PCDH15: variants seen among roughly 807,000 people sequenced by gnomAD.
The protein encoded by PCDH15 is protocadherin related 15.
PCDH15 carries 129 observed loss-of-function variants against 178.5 expected under a neutral mutation model. The ratio of observed to expected loss-of-function variants is 0.72; its 90% CI spans 0.63 to 0.84. PCDH15 has a LOEUF of 0.84. Among genes scored for constraint, PCDH15 ranks in the 40% least tolerant of loss-of-function variants. PCDH15 has a pLI of 0.00. For missense variants in PCDH15, 2,230 were observed against 2,099.9 expected, an observed-to-expected ratio of 1.06 and a Z score of -1.21; for synonymous variants, 800 against 732.0, an observed-to-expected ratio of 1.09 and a Z score of -1.50.
chr10:55,435,069 G>A (rs190775116), intron 2 of PCDH15, among the ~76,000 whole-genome samples: 6 of 152,226 alleles, frequency 3.9e-5, no homozygotes, highest in Non-Finnish European at 8.8e-5. Context: ...TTTAGTCAGG[G>A]AAAGAAGATG....
chr10:53,821,122 A>T (rs2076246985), intron 32 of PCDH15: 1 of 979,340 alleles, frequency 1.0e-6, no homozygotes, highest in Admixed American at 6.2e-5. Context: ...ATTTATTTTC[A>T]TTATAAAGAA....
At chr10:54,769,887 G>A (rs531968046) in intron 1 of PCDH15, among the ~76,000 whole-genome samples, 1 of 152,104 alleles carries the variant, frequency 6.6e-6, no homozygotes, top group African/African-American at 2.4e-5. Flanking sequence ...CTTTTTGTCT[G>A]TAGTTCTCAA....
intron 2 of PCDH15, among the ~76,000 whole-genome samples, chr10:55,601,615 A>G (rs1358387068): frequency 6.6e-6 from 1 of 152,216 alleles, no homozygotes; most frequent in Non-Finnish European, 1.5e-5. Flanking sequence ...AATTACAGAT[A>G]TATTATGACA....
chr10:54,246,887 C>T (rs998622909), intron 8 of PCDH15, among the ~76,000 whole-genome samples: 8 of 151,808 alleles, frequency 5.3e-5, no homozygotes, highest in African/African-American at 1.9e-4. Context: ...GTTGCTTTAA[C>T]TTGAATTTTG....
At chr10:54,032,514 AT>A (rs1305276722) in intron 18 of PCDH15, among the ~76,000 whole-genome samples, 1 of 151,840 alleles carries the variant, frequency 6.6e-6, no homozygotes, top group Non-Finnish European at 1.5e-5. Flanking sequence ...ATTACATATC[AT>A]TCCCACCCCA....
At chr10:54,229,821 T>A (rs1055727724) in intron 9 of PCDH15, among the ~76,000 whole-genome samples, 6 of 152,216 alleles carry the variant, frequency 3.9e-5, no homozygotes, top group African/African-American at 7.2e-5. Context: ...AATAATATAC[T>A]AACATACACA....
At chr10:54,098,085 A>G (rs1250780159) in intron 15 of PCDH15, among the ~76,000 whole-genome samples, 1 of 152,052 alleles carries the variant, frequency 6.6e-6, no homozygotes, top group Non-Finnish European at 1.5e-5. Context: ...TTACAGTAAA[A>G]CAAAACAAAA....
At chr10:54,445,050 T>C (rs765932163) in intron 3 of PCDH15, among the ~76,000 whole-genome samples, 9 of 151,190 alleles carry the variant, frequency 6.0e-5, no homozygotes, top group Non-Finnish European at 1.2e-4. Context: ...CTTTTCTCAA[T>C]TGCCAATTGT....
At chr10:54,011,938 G>A (rs1422714160) in intron 20 of PCDH15, among the ~76,000 whole-genome samples, 2 of 152,142 alleles carry the variant, frequency 1.3e-5, no homozygotes, top group Admixed American at 1.3e-4. Context: ...TAACTCAGCT[G>A]AAATAGTTGA....
chr10:54,135,316 G>T (rs2042815207), intron 14 of PCDH15, among the ~76,000 whole-genome samples: 1 of 151,712 alleles, frequency 6.6e-6, no homozygotes, highest in Non-Finnish European at 1.5e-5. Flanking sequence ...ATTCATTTCT[G>T]CCTCTGATTT....
chr10:54,299,250 A>G (rs2059997710), intron 8 of PCDH15, among the ~76,000 whole-genome samples: 1 of 152,098 alleles, frequency 6.6e-6, no homozygotes, highest in African/African-American at 2.4e-5. Context: ...TCAAAGAGTG[A>G]GAGAGAGGAA....
At chr10:54,718,891 T>C (rs2095512910) in intron 1 of PCDH15, among the ~76,000 whole-genome samples, 1 of 151,742 alleles carries the variant, frequency 6.6e-6, no homozygotes, top group Non-Finnish European at 1.5e-5. Context: ...GAGACGGGGT[T>C]TCACTATGTT....
chr10:53,816,718 G>A (rs1342563292), intron 34 of PCDH15, among the ~76,000 whole-genome samples: 2 of 152,074 alleles, frequency 1.3e-5, no homozygotes, highest in Non-Finnish European at 2.9e-5. Context: ...AAGAAGAGCA[G>A]AACACACAAA....
At chr10:53,871,710 T>C (rs1296081102) in intron 26 of PCDH15, among the ~76,000 whole-genome samples, 2 of 151,576 alleles carry the variant, frequency 1.3e-5, no homozygotes, top group Non-Finnish European at 2.9e-5. Flanking sequence ...CTCTCCTTTA[T>C]TGCTTCCAGT....
chr10:54,079,516 T>A, intron 16 of PCDH15, 92 bp from the exon 17 acceptor site: 2 of 1,132,556 alleles, frequency 1.8e-6, no homozygotes, highest in South Asian at 2.5e-5. Context: ...TTTGATAGCT[T>A]TTTTTCCCCT....
intron 1 of PCDH15, among the ~76,000 whole-genome samples, chr10:55,262,269 C>A (rs1842165547): frequency 2.0e-5 from 3 of 148,716 alleles, no homozygotes; most frequent in Admixed American, 6.8e-5. Context: ...GGGAGGGGGG[C>A]AAAGAAGTCC....
At chr10:54,950,582 T>C (rs570877912) in intron 2 of PCDH15, among the ~76,000 whole-genome samples, 12 of 152,132 alleles carry the variant, frequency 7.9e-5, no homozygotes, top group African/African-American at 2.6e-4. Context: ...TAAACCTCTT[T>C]CTTTTGTAAA....
At chr10:54,934,148 G>C (rs1453857956) in intron 2 of PCDH15, among the ~76,000 whole-genome samples, 2 of 152,046 alleles carry the variant, frequency 1.3e-5, no homozygotes, top group Non-Finnish European at 2.9e-5. Context: ...GAAATCTATA[G>C]TGTTTAATAA....
intron 21 of PCDH15, among the ~76,000 whole-genome samples, chr10:53,987,942 G>A (rs2091218115): frequency 6.6e-6 from 1 of 152,164 alleles, no homozygotes; most frequent in East Asian, 1.9e-4. Flanking sequence ...CTATTTCCAG[G>A]TTTTTCTCTT....
Sources: gnomAD v4.1 joint callset for allele counts (sites outside exome capture counted in the v4.1 genomes callset) on GRCh38, gnomAD v4.1.1 for gene constraint, MANE v1.5 for transcripts, NCBI Gene and HGNC (gene_info 2026-07-23, HGNC 2026-07-21) for gene names.